PRXL2B: variants seen among roughly 807,000 people sequenced by gnomAD.
PRXL2B encodes prostamide/prostaglandin F synthase.
PRXL2B carries 26 observed loss-of-function variants against 24.4 expected under a neutral mutation model. That is an observed-to-expected ratio of 1.07 (90% confidence interval 0.78 to 1.48). The LOEUF (loss-of-function observed/expected upper bound fraction) is 1.48. PRXL2B is among the 40% of genes most tolerant of loss of function. The pLI, the probability that PRXL2B is intolerant of heterozygous loss-of-function variation, is 0.00. For synonymous variants in PRXL2B, 115 were observed against 118.9 expected (o/e 0.97, Z 0.21); for missense variants, 269 against 264.8 (o/e 1.02, Z -0.11).
chr1:2,586,989 C>T, intron 1 of PRXL2B, 41 bp downstream of exon 1: 1 of 1,318,016 alleles, frequency 7.6e-7, no homozygotes, highest in South Asian at 2.3e-5. Context: ...GCGTCCCTGG[C>T]TCCTTGCCCG....
At position 2,586,962 on chromosome 1, in the gene PRXL2B, G is replaced by T. The variant is rs772005145; in HGVS notation, c.63+14G>T. 4.6e-6 allele frequency: 6 copies of T among 1,312,406 alleles called. No individual in the cohort carries two copies. The African/African-American group carries it at 4.6e-5, about 10-fold the overall frequency. 81.3% of individuals were successfully genotyped at this position (1,312,406 alleles called of 1,614,324 possible). On this transcript the variant is annotated intron_variant, in intron 1 of 6. Transcript: ENST00000419916. ...GTGACCGGGGAGGTGAGGCCGGGTGGACGCAGGGCGGTGGGCGCGTCCCTG... is the reference window on the plus strand; with the variant it reads ...GTGACCGGGGAGGTGAGGCCGGGTGTACGCAGGGCGGTGGGCGCGTCCCTG...
chr1:2,591,119 C>T lies in PRXL2B; in HGVS notation c.*1692C>T, dbSNP rs1337995745. The T allele has an allele frequency of 2.0e-6, 3 of 1,482,762 alleles. No homozygotes were observed. Among genetic ancestry groups the T allele is most frequent in the Non-Finnish European group, 2.7e-6 (3 of 1,101,184 alleles). 91.9% of individuals were successfully genotyped at this position (1,482,762 alleles called of 1,614,324 possible). ...GGGTGGGTGGGTGTGACAGCAGGAGCATTGCCATCTTGGACAAACATGGCC... is the reference window on the plus strand; with the variant it reads ...GGGTGGGTGGGTGTGACAGCAGGAGTATTGCCATCTTGGACAAACATGGCC... On this transcript the variant is annotated 3_prime_UTR_variant, in exon 7 of 7. Transcript: ENST00000419916.
In PRXL2B at chr1:2,588,966, G is replaced by A. The variant is rs746014507; in HGVS notation, c.505G>A (p.Asp169Asn). ...LLHFVQKSPG[D>N]YVPKEHILQV... ...GCATTTCGTCCAGAAGTCCCCAGGC[G>A]ACTACGTCCCCAAGGAGCACATCCT... The change falls in exon 6 of 7, where the codon GAC (aspartate) becomes AAC (asparagine). Residue 169 changes from aspartate to asparagine, a missense_variant. By Grantham distance (23) the Asp-to-Asn change is conservative. Coordinates refer to ENST00000419916, the MANE Select transcript of PRXL2B (RefSeq NM_152371.5). 2.2e-5 allele frequency: 35 copies of A among 1,613,234 alleles called. No homozygotes were observed. The East Asian group carries it at 5.6e-4, about 26-fold the overall frequency.
chr1:2,589,787 A>C lies in PRXL2B; in HGVS notation c.*360A>C. On this transcript the variant is annotated 3_prime_UTR_variant, in exon 7 of 7. Coordinates refer to ENST00000419916, the MANE Select transcript of PRXL2B (RefSeq NM_152371.5). The stretch of plus-strand genomic sequence containing the variant: ...CTCACTGCCCCGTCACTCCCTTCAA[A>C]GGCGACAGACCCAAGCCCACGTCAG... 1 of 367,246 alleles carries C rather than the reference A, an allele frequency of 2.7e-6. No homozygotes were observed. The highest frequency in any genetic ancestry group is 5.0e-6 in the Non-Finnish European group (1 of 199,820). The allele number at this position is 367,246 out of a possible 1,614,324, so 22.7% of individuals were successfully genotyped here.
chr1:2,588,418 GCTCT>G lies in PRXL2B; in HGVS notation c.350_353del (p.Ala117GlyfsTer99). ...CAACAGCCTGAGCATCCTCCCAGCA[GCTCT>G]GGGGAAGCCCGTGCGTGATGTGGCT... On this transcript the variant is annotated frameshift_variant, in exon 4 of 7. Coordinates refer to ENST00000419916, the MANE Select transcript of PRXL2B (RefSeq NM_152371.5). LOFTEE classifies it high-confidence loss of function. 1 of 1,614,186 alleles carries G rather than the reference GCTCT, an allele frequency of 6.2e-7. No individual in the cohort carries two copies.
chr1:2,586,608 G>A (rs923601833), upstream of PRXL2B: 4 of 652,306 alleles, frequency 6.1e-6, no homozygotes, highest in Non-Finnish European at 8.7e-6. Context: ...GGGGAAACAA[G>A]GCGGGACTAG....
At position 2,587,685 on chromosome 1, in the gene PRXL2B, T is replaced by G. The variant is rs1644559950; in HGVS notation, c.269-56T>G. 1 of 1,552,016 alleles carries G rather than the reference T, an allele frequency of 6.4e-7. No homozygotes were observed. Among genetic ancestry groups the G allele is most frequent in the Admixed American group, 1.9e-5 (1 of 52,492 alleles). ...GAGGAGGGCGATTCTTTGTGGTGAGTGGGTTGGGGGCTGGTTCTGCGCCTG... is the reference window on the plus strand; with the variant it reads ...GAGGAGGGCGATTCTTTGTGGTGAGGGGGTTGGGGGCTGGTTCTGCGCCTG... On this transcript the variant is annotated intron_variant, in intron 2 of 6. Transcript: ENST00000419916. The surrounding 1 kb of genome is among the most constrained non-coding windows in gnomAD (Gnocchi z 6.1).
Position 2,586,802 on chromosome 1 carries a change from C to CGGGAGCGGGGATCCAGGAGCG in PRXL2B, c.-83_-63dup, listed in dbSNP as rs1557498943. 6.9e-5 allele frequency: 87 copies of CGGGAGCGGGGATCCAGGAGCG among 1,261,690 alleles called. No individual in the cohort carries two copies. The highest frequency in any genetic ancestry group is 8.4e-5 in the Non-Finnish European group (84 of 1,005,704). The allele number at this position is 1,261,690 out of a possible 1,614,324, so 78.2% of individuals were successfully genotyped here. On this transcript the variant is annotated 5_prime_UTR_variant, in exon 1 of 7. Transcript: ENST00000419916. ...GGGGCTTGGGGCTGGATCTATGAGC[C>CGGGAGCGGGGATCCAGGAGCG]GGGAGCGGGGATCCAGGAGCGAGGA...
chr1:2,587,386 G>T lies in PRXL2B; in HGVS notation c.268+91G>T. On this transcript the variant is annotated intron_variant, in intron 2 of 6. Transcript: ENST00000419916. This position sits in a 1 kb window ranked among gnomAD's most constrained non-coding sequence, Gnocchi z 6.1. ...TTTCCTGCCCAACCCCGGCCCTTCTGTCTGCTGGAGCGGCCTTGATATGCC... is the reference window on the plus strand; with the variant it reads ...TTTCCTGCCCAACCCCGGCCCTTCTTTCTGCTGGAGCGGCCTTGATATGCC... 1.4e-6 allele frequency: 2 copies of T among 1,427,048 alleles called. No homozygotes were observed. The highest frequency in any genetic ancestry group is 1.9e-6 in the Non-Finnish European group (2 of 1,056,716). The allele number at this position is 1,427,048 out of a possible 1,614,324, so 88.4% of individuals were successfully genotyped here. A position where few individuals can be genotyped will look rare whatever the true frequency, so the allele number is the denominator to read the frequency against.
Position 2,587,973 on chromosome 1 carries a change from G to T in PRXL2B, c.320+181G>T, listed in dbSNP as rs544839949. Among the ~76,000 whole-genome samples the T allele has an allele frequency of 8.5e-4, 130 of 152,166 alleles. No homozygotes were observed. The highest frequency in any genetic ancestry group is 1.6e-3 in the Non-Finnish European group (107 of 67,960). On this transcript the variant is annotated intron_variant, in intron 3 of 6. Transcript: ENST00000419916. This position sits in a 1 kb window ranked among gnomAD's most constrained non-coding sequence, Gnocchi z 6.1. ...CTGCCAGGCCTTCTCTTGGGTGCTGGGTGACTGTAATGAGCCACCTCGTCC... is the reference window on the plus strand; with the variant it reads ...CTGCCAGGCCTTCTCTTGGGTGCTGTGTGACTGTAATGAGCCACCTCGTCC...
chr1:2,591,124 C>CCATCTTGG lies in PRXL2B; in HGVS notation c.*1698_*1705dup. On this transcript the variant is annotated 3_prime_UTR_variant, in exon 7 of 7. Coordinates refer to ENST00000419916, the MANE Select transcript of PRXL2B (RefSeq NM_152371.5). Reference sequence around the variant, plus strand: ...GGTGGGTGTGACAGCAGGAGCATTGCCATCTTGGACAAACATGGCCATTTT... The same window carrying CCATCTTGG: ...GGTGGGTGTGACAGCAGGAGCATTGCCATCTTGGCATCTTGGACAAACATGGCCATTTT... The CCATCTTGG allele has an allele frequency of 1.4e-6, 2 of 1,443,534 alleles. No individual in the cohort carries two copies. The highest frequency in any genetic ancestry group is 1.9e-6 in the Non-Finnish European group (2 of 1,070,972). 89.4% of individuals were successfully genotyped at this position (1,443,534 alleles called of 1,614,324 possible). A position where few individuals can be genotyped will look rare whatever the true frequency, so the allele number is the denominator to read the frequency against.
At chr1:2,586,594 A>G, upstream of PRXL2B, 1 of 534,662 alleles carries the variant, frequency 1.9e-6, no homozygotes, top group Non-Finnish European at 2.8e-6. Context: ...GGCCTGGAGT[A>G]GGAGGGGAAA....
At position 2,588,319 on chromosome 1, in the gene PRXL2B, C is replaced by T. The variant is rs529000510; in HGVS notation, c.321-71C>T. 343 of 1,610,498 alleles carry T rather than the reference C, an allele frequency of 2.1e-4. No individual in the cohort carries two copies. In the African/African-American group the frequency reaches 3.8e-3, roughly 18 times the overall value. Reference sequence around the variant, plus strand: ...TGGGGCCTGACCTAGGAACTGGTCTCATGGACACTGGAGCAGGCTCTGGAC... The same window carrying T: ...TGGGGCCTGACCTAGGAACTGGTCTTATGGACACTGGAGCAGGCTCTGGAC... On this transcript the variant is annotated intron_variant, in intron 3 of 6. Transcript: ENST00000419916.
chr1:2,589,391 G>C lies in PRXL2B; in HGVS notation c.580-19G>C. On this transcript the variant is annotated intron_variant, in intron 6 of 6. Coordinates refer to ENST00000419916, the MANE Select transcript of PRXL2B (RefSeq NM_152371.5). ...GATCCAGTGTCCAGCGGCCCCATGG[G>C]ACCCTGCTGTCCCCACAGTGTGACA... The C allele has an allele frequency of 1.2e-6, 2 of 1,612,990 alleles. No homozygotes were observed.
chr1:2,586,904 G>T lies in PRXL2B; in HGVS notation c.19G>T (p.Ala7Ser). 7.6e-7 allele frequency: 1 copy of T among 1,311,592 alleles called. No individual in the cohort carries two copies. Among genetic ancestry groups the T allele is most frequent in the East Asian group, 3.0e-5 (1 of 33,736 alleles). The allele number at this position is 1,311,592 out of a possible 1,614,324, so 81.2% of individuals were successfully genotyped here. A position where few individuals can be genotyped will look rare whatever the true frequency, so the allele number is the denominator to read the frequency against. ...GGCCGCCATGAGCACGGTGGACCTT[G>T]CTCGCGTGGGCGCGTGCATCCTGAA... MSTVDL[A>S]RVGACILKHA... Residue 7 changes from alanine (A) to serine (S), a missense_variant, in exon 1 of 7, where the codon GCT (alanine) becomes TCT (serine). Coordinates refer to ENST00000419916, the MANE Select transcript of PRXL2B (RefSeq NM_152371.5).
Position 2,587,706 on chromosome 1 carries a change from G to T in PRXL2B, c.269-35G>T, listed in dbSNP as rs2100900620. 1 of 1,584,892 alleles carries T rather than the reference G, an allele frequency of 6.3e-7. No homozygotes were observed. The highest frequency in any genetic ancestry group is 1.1e-5 in the South Asian group (1 of 86,980). On this transcript the variant is annotated intron_variant, in intron 2 of 6. Transcript: ENST00000419916. This position sits in a 1 kb window ranked among gnomAD's most constrained non-coding sequence, Gnocchi z 6.1. ...TGAGTGGGTTGGGGGCTGGTTCTGCGCCTGGGGCACACACATGTGGCTTCC... is the reference window on the plus strand; with the variant it reads ...TGAGTGGGTTGGGGGCTGGTTCTGCTCCTGGGGCACACACATGTGGCTTCC...
chr1:2,588,901 A>G (rs1201449659), intron 5 of PRXL2B, 21 bp from the exon 6 acceptor site: 4 of 1,609,014 alleles, frequency 2.5e-6, no homozygotes, highest in Non-Finnish European at 2.5e-6. Context: ...GGGTGCCGTG[A>G]CTGCCTGCCC....
At position 2,587,559 on chromosome 1, in the gene PRXL2B, C is replaced by T. The variant is rs973601393; in HGVS notation, c.269-182C>T. ...CTGTTGCCTCTGGGACTCAGCCCCT[C>T]TTCTGAGGGGAGGGGGGACACTCAG... On this transcript the variant is annotated intron_variant, in intron 2 of 6. Transcript: ENST00000419916. This position sits in a 1 kb window ranked among gnomAD's most constrained non-coding sequence, Gnocchi z 6.1. 3.9e-5 allele frequency among the ~76,000 whole-genome samples: 6 copies of T among 152,156 alleles called. No homozygotes were observed. Among genetic ancestry groups the T allele is most frequent in the African/African-American group, 1.4e-4 (6 of 41,434 alleles).
At chr1:2,588,508 CT>C in intron 4 of PRXL2B, 41 bp from the exon 5 acceptor site, 1 of 1,613,760 alleles carries the variant, frequency 6.2e-7, no homozygotes, top group Non-Finnish European at 8.5e-7. Context: ...TCCCAGGAGC[CT>C]TTCTTCTAGG....
Sources: allele counts gnomAD v4.1 joint callset (sites outside exome capture counted in the v4.1 genomes callset), GRCh38; gene constraint gnomAD v4.1.1; non-coding constraint Gnocchi (gnomAD v3.1); transcripts MANE v1.5; gene names NCBI Gene and HGNC (gene_info 2026-07-23, HGNC 2026-07-21).